Variants in EXOC3L4 observed in about 807,000 individuals in gnomAD.
EXOC3L4 encodes the protein exocyst complex component 3-like protein 4.
Under a neutral mutation model 69.7 loss-of-function variants are expected in EXOC3L4, and 62 were observed. That is an observed-to-expected ratio of 0.89 (90% confidence interval 0.72 to 1.10). The LOEUF (loss-of-function observed/expected upper bound fraction) is 1.10, where lower values mean the gene tolerates loss of function less well. EXOC3L4 is among the 50% of genes least tolerant of loss of function. The pLI is 0.00. For missense variants in EXOC3L4, 1,087 were observed against 1,034.8 expected (o/e 1.05, Z -0.69); for synonymous variants, 502 against 464.2 (o/e 1.08, Z -1.05).
chr14:103,108,294 C>T (rs1301012303), intron 10 of EXOC3L4, 102 bp from the exon 11 acceptor site: 22 of 1,504,430 alleles, frequency 1.5e-5, no homozygotes, highest in South Asian at 5.1e-5. Context: ...GGAGGGCTGA[C>T]GCTGCGGGAG....
rs1277458560 is a variant in EXOC3L4, at chr14:103,109,960, T to C, written c.1977-71T>C. The C allele has an allele frequency of 2.0e-6, 3 of 1,465,902 alleles. No individual in the cohort carries two copies. The African/African-American group carries it at 4.2e-5, about 21-fold the overall frequency. 90.8% of individuals were successfully genotyped at this position (1,465,902 alleles called of 1,614,324 possible). On this transcript the variant is annotated intron_variant, in intron 11 of 11. Transcript: ENST00000688303. ...TCATACTAACTCCCAAGCCCGTGGGTTCGCCTCATGCTGGGGCTGGGGGTG... is the reference window on the plus strand; with the variant it reads ...TCATACTAACTCCCAAGCCCGTGGGCTCGCCTCATGCTGGGGCTGGGGGTG...
Position 103,100,629 on chromosome 14 carries a change from ACAACACGAAG to A in EXOC3L4, c.394+19_394+28del. The A allele has an allele frequency of 6.3e-7, 1 of 1,591,488 alleles. No homozygotes were observed. The highest frequency in any genetic ancestry group is 8.6e-7 in the Non-Finnish European group (1 of 1,165,602). On this transcript the variant is annotated intron_variant, in intron 2 of 11. Transcript: ENST00000688303. ...CCCGAGGCAGGTAAGGGCCTCAGAA[ACAACACGAAG>A]CATGAAAGGAAACGGGCCAGAGGTC...
In EXOC3L4 at chr14:103,110,495, G is replaced by A. The variant is rs1477220643; in HGVS notation, c.*272G>A. On this transcript the variant is annotated 3_prime_UTR_variant, in exon 12 of 12. Coordinates refer to ENST00000688303, the MANE Select transcript of EXOC3L4 (RefSeq NM_001077594.2). ...GGGGGGCCTCCCGCCCGACTGTCCAGCTTCACCCTCCAGTCTGAAAGTGAA... is the reference window on the plus strand; with the variant it reads ...GGGGGGCCTCCCGCCCGACTGTCCAACTTCACCCTCCAGTCTGAAAGTGAA... The A allele has an allele frequency of 1.7e-6, 1 of 590,622 alleles. No individual in the cohort carries two copies. The highest frequency in any genetic ancestry group is 3.4e-5 in the East Asian group (1 of 29,774). 36.6% of individuals were successfully genotyped at this position (590,622 alleles called of 1,614,324 possible).
chr14:103,103,795 C>CGTGTGTGT (rs1177907237), intron 3 of EXOC3L4, 146 bp from the exon 4 acceptor site: 165 of 442,252 alleles, frequency 3.7e-4, no homozygotes, highest in East Asian at 1.2e-3. Flanking sequence ...GAGGCGCGCG[C>CGTGTGTGT]GCGTGTGTGT....
In EXOC3L4 at chr14:103,106,893, G is replaced by A. The variant is rs775649471; in HGVS notation, c.1575G>A (p.Glu525=). Residue 525 remains glutamate (E), a synonymous_variant, in exon 8 of 12, where the codon GAG becomes GAA. Coordinates refer to ENST00000688303, the MANE Select transcript of EXOC3L4 (RefSeq NM_001077594.2). The part of the protein sequence containing the change: ...QKHLLQGLQR[E]LQPLFRVVCT... ...ACTTGCTTCAGGGCTTGCAGCGTGA[G>A]TTGCAGGTGACTGTGATAGGCCCTC... is the stretch of plus-strand genomic sequence containing the variant. 3.1e-5 allele frequency: 49 copies of A among 1,563,524 alleles called. No individual in the cohort carries two copies. The highest frequency in any genetic ancestry group is 1.4e-4 in the South Asian group (12 of 85,106).
In EXOC3L4 at chr14:103,110,184, G is replaced by A. The variant is rs1276116655; in HGVS notation, c.2130G>A (p.Lys710=). 4.6e-6 allele frequency: 7 copies of A among 1,526,084 alleles called. 1 individual carries two copies. The South Asian group carries it at 8.7e-5, about 19-fold the overall frequency. The allele number at this position is 1,526,084 out of a possible 1,614,324, so 94.5% of individuals were successfully genotyped here. ...PRGRVLFEEI[K]VPSAMAVLIT... is the part of the protein sequence containing the mutation. ...GCCGCGTGCTCTTCGAGGAGATCAA[G>A]GTGCCCAGTGCCATGGCTGTGCTGA... Residue 710 remains lysine, a synonymous_variant, in exon 12 of 12, where the codon AAG becomes AAA. Coordinates refer to ENST00000688303, the MANE Select transcript of EXOC3L4 (RefSeq NM_001077594.2).
chr14:103,108,331 C>G, intron 10 of EXOC3L4, 65 bp from the exon 11 acceptor site: 1 of 1,589,712 alleles, frequency 6.3e-7, no homozygotes, highest in Middle Eastern at 1.7e-4. Context: ...ACCTCGCGCT[C>G]TTGCAGGAGT....
rs1333891036 is a variant in EXOC3L4 at position 103,105,046 on chromosome 14, C to T, written c.1440C>T (p.Ala480=). The part of the protein sequence containing the change: ...SEAVSEPHLG[A]YINACEELRT... ...CGGTGAGCGAGCCGCACCTGGGCGC[C>T]TACATCAACGCCTGCGAGGAGCTCA... The change falls in exon 7 of 12, where the codon GCC becomes GCT. Residue 480 remains alanine (A), a synonymous_variant. Transcript: ENST00000688303. 5 of 1,612,020 alleles carry T rather than the reference C, an allele frequency of 3.1e-6. No homozygotes were observed. The highest frequency in any genetic ancestry group is 4.2e-6 in the Non-Finnish European group (5 of 1,178,500).
chr14:103,110,402 G>A lies in EXOC3L4; in HGVS notation c.*179G>A. On this transcript the variant is annotated 3_prime_UTR_variant, in exon 12 of 12. Transcript: ENST00000688303. ...GCCAGAAGGAGCAGCCGTGCAGGAG[G>A]CATTTCAGGCATCGTTGAGGGGAGT... 1.3e-6 allele frequency: 1 copy of A among 768,360 alleles called. No homozygotes were observed. The highest frequency in any genetic ancestry group is 2.2e-6 in the Non-Finnish European group (1 of 447,878). 47.6% of individuals were successfully genotyped at this position (768,360 alleles called of 1,614,324 possible).
rs1283532141 is a variant in EXOC3L4 at position 103,110,426 on chromosome 14, G to A, written c.*203G>A. On this transcript the variant is annotated 3_prime_UTR_variant, in exon 12 of 12. Coordinates refer to ENST00000688303, the MANE Select transcript of EXOC3L4 (RefSeq NM_001077594.2). ...GGCATTTCAGGCATCGTTGAGGGGA[G>A]TGTTTTGGGGCCGCAGAGCTCTCAA... The A allele has an allele frequency of 4.2e-6, 3 of 713,492 alleles. No individual in the cohort carries two copies. In the East Asian group the frequency reaches 8.3e-5, roughly 20 times the overall value. The allele number at this position is 713,492 out of a possible 1,614,324, so 44.2% of individuals were successfully genotyped here.
Position 103,106,881 on chromosome 14 carries a change from C to A in EXOC3L4, c.1563C>A (p.Gly521=). 1 of 1,573,564 alleles carries A rather than the reference C, an allele frequency of 6.4e-7. No individual in the cohort carries two copies. ...GCTTCCAGAAGCACTTGCTTCAGGG[C>A]TTGCAGCGTGAGTTGCAGGTGACTG... ...TCSFQKHLLQ[G]LQRELQPLFR... The change falls in exon 8 of 12, where the codon GGC becomes GGA. Residue 521 remains glycine (G), a synonymous_variant. Coordinates refer to ENST00000688303, the MANE Select transcript of EXOC3L4 (RefSeq NM_001077594.2).
At chr14:103,105,459 G>C (rs567890797) in intron 7 of EXOC3L4, among the ~76,000 whole-genome samples, 1 of 151,934 alleles carries the variant, frequency 6.6e-6, no homozygotes, top group Non-Finnish European at 1.5e-5. Flanking sequence ...GCCTAGATGC[G>C]TGTGTCTTGT....
chr14:103,107,814 C>T lies in EXOC3L4; in HGVS notation c.1854+31C>T, dbSNP rs755738010. On this transcript the variant is annotated intron_variant, in intron 10 of 11. Transcript: ENST00000688303. ...GGCGGCATGACTGCCCTTCGGTGCT[C>T]GCCTCTGTGTGGGGAGTGGTGGCAG... The T allele has an allele frequency of 1.2e-4, 174 of 1,482,908 alleles. 1 individual carries two copies. Among genetic ancestry groups the T allele is most frequent in the Non-Finnish European group, 1.5e-4 (166 of 1,109,476 alleles). 91.9% of individuals were successfully genotyped at this position (1,482,908 alleles called of 1,614,324 possible). A position where few individuals can be genotyped will look rare whatever the true frequency, so the allele number is the denominator to read the frequency against.
chr14:103,098,123 G>A (rs1889980493), intron 1 of EXOC3L4, among the ~76,000 whole-genome samples: 1 of 152,114 alleles, frequency 6.6e-6, no homozygotes, highest in African/African-American at 2.4e-5. Flanking sequence ...CTTCAGCGAA[G>A]TTCTGGTTTG....
chr14:103,107,701 G>C lies in EXOC3L4; in HGVS notation c.1772G>C (p.Arg591Pro). ...GCGCGGGCGCTGAGGCCACGGGAGC[G>C]GTTCCGGGGCATGGAGCGCATGCAT... The part of the protein sequence containing the change: ...YLARALRPRE[R>P]FRGMERMHGS... The change falls in exon 10 of 12, where the codon CGG becomes CCG. Residue 591 changes from arginine to proline, a missense_variant. Physicochemically the swap from Arg to Pro is moderately radical, Grantham distance 103 (BLOSUM62 -2). Transcript: ENST00000688303. The C allele has an allele frequency of 6.4e-7, 1 of 1,554,108 alleles. No individual in the cohort carries two copies. The highest frequency in any genetic ancestry group is 1.2e-5 in the South Asian group (1 of 84,844).
At chr14:103,102,030 G>T in intron 2 of EXOC3L4, 88 bp from the exon 3 acceptor site, 1 of 1,376,236 alleles carries the variant, frequency 7.3e-7, no homozygotes, top group Non-Finnish European at 9.9e-7. Context: ...ATCCAGCCCC[G>T]ATGGATTGAG....
At chr14:103,107,023 A>C (rs1033644129) in intron 8 of EXOC3L4, 124 bp downstream of exon 8, 1 of 853,694 alleles carries the variant, frequency 1.2e-6, no homozygotes, top group South Asian at 1.8e-5. Context: ...GTGTGTGTGT[A>C]GGGTAGTGGG....
At chr14:103,099,438 T>G (rs1157849467) in intron 1 of EXOC3L4, among the ~76,000 whole-genome samples, 1 of 151,948 alleles carries the variant, frequency 6.6e-6, no homozygotes, top group Non-Finnish European at 1.5e-5. Flanking sequence ...GAGCATGCTA[T>G]GGTGGAGAGG....
Position 103,100,189 on chromosome 14 carries a change from C to T in EXOC3L4, c.-16-15C>T. On this transcript the variant is annotated splice_polypyrimidine_tract_variant and intron_variant, in intron 1 of 11. Transcript: ENST00000688303. The stretch of plus-strand genomic sequence containing the variant: ...TTCTGCATCTGCTCCTATGGCCACT[C>T]CTTCTTGCCCCCAGCTCTCCTGCTG... 1.3e-6 allele frequency: 2 copies of T among 1,537,544 alleles called. No homozygotes were observed. The highest frequency in any genetic ancestry group is 2.5e-5 in the South Asian group (2 of 80,174).
Sources: gnomAD v4.1 joint callset for allele counts (sites outside exome capture counted in the v4.1 genomes callset) on GRCh38, gnomAD v4.1.1 for gene constraint, MANE v1.5 for transcripts, NCBI Gene and HGNC (gene_info 2026-07-23, HGNC 2026-07-21) for gene names.